CTDNEP1: variants seen among roughly 807,000 people sequenced by gnomAD.
CTDNEP1 encodes C-terminal domain nuclear envelope phosphatase 1.
A neutral mutation model predicts 30.1 loss-of-function variants in CTDNEP1; 3 were observed. That is an observed-to-expected ratio of 0.10 (90% CI 0.05 to 0.26). The LOEUF (loss-of-function observed/expected upper bound fraction) is 0.26, where lower values mean the gene tolerates loss of function less well. Ranked by LOEUF, CTDNEP1 falls within the 10% of genes least tolerant of loss-of-function variation. CTDNEP1 has a pLI of 1.00. For synonymous variants in CTDNEP1, 123 were observed against 118.8 expected (o/e 1.04, Z -0.23); for missense variants, 158 against 310.4 (o/e 0.51, Z 3.69).
Position 7,246,164 on chromosome 17 carries a change from GCCTCTCT to G in CTDNEP1, c.478-34_478-28del. 3 of 1,595,428 alleles carry G rather than the reference GCCTCTCT, an allele frequency of 1.9e-6. No homozygotes were observed. Among genetic ancestry groups the G allele is most frequent in the Non-Finnish European group, 2.6e-6 (3 of 1,163,134 alleles). On this transcript the variant is annotated intron_variant, in intron 5 of 7. Transcript: ENST00000574322. This position sits in a 1 kb window ranked among gnomAD's most constrained non-coding sequence, Gnocchi z 4.9. ...TGGAAGGCAGGGGATCATGTAGCAG[GCCTCTCT>G]CCAGGATACTCTCCTCAAACCCAGA...
chr17:7,247,093 G>T lies in CTDNEP1; in HGVS notation c.259C>A (p.Pro87Thr). The change falls in exon 3 of 8, where the codon CCT (proline) becomes ACT (threonine). Residue 87 changes from proline (P) to threonine (T), a missense_variant. Transcript: ENST00000574322. ...HDGVLRPTVR[P>T]GTPPDFILKV... ...AGGATGAAGTCAGGAGGCGTACCAG[G>T]CCGGACTGTGGGCCTCAGGACCCCA... 6.2e-7 allele frequency: 1 copy of T among 1,612,836 alleles called. No individual in the cohort carries two copies. The highest frequency in any genetic ancestry group is 8.5e-7 in the Non-Finnish European group (1 of 1,179,792).
intron 1 of CTDNEP1, among the ~76,000 whole-genome samples, chr17:7,250,715 C>T (rs1028734240): frequency 3.3e-5 from 5 of 152,144 alleles, no homozygotes; most frequent in Non-Finnish European, 7.4e-5. Flanking sequence ...CAGGGCTTTC[C>T]CAAGTTCCCG....
chr17:7,251,155 C>A (rs2071915190), intron 1 of CTDNEP1, 40 bp downstream of exon 1: 2 of 1,456,040 alleles, frequency 1.4e-6, no homozygotes, highest in Admixed American at 1.9e-5. Context: ...CCCAACACCG[C>A]CAGACGTCCC....
intron 7 of CTDNEP1, 95 bp downstream of exon 7, chr17:7,244,456 A>C (rs1388245962): frequency 3.8e-6 from 5 of 1,310,612 alleles, no homozygotes; most frequent in Non-Finnish European, 5.5e-6. Flanking sequence ...AAGGGAACAG[A>C]GTTAAAACAG....
chr17:7,248,648 C>A (rs2071875766), intron 1 of CTDNEP1, among the ~76,000 whole-genome samples: 1 of 152,110 alleles, frequency 6.6e-6, no homozygotes, highest in Non-Finnish European at 1.5e-5. Context: ...AGAGCCACCA[C>A]CCCCGGCCGA....
intron 1 of CTDNEP1, among the ~76,000 whole-genome samples, chr17:7,250,845 C>T (rs948267625): frequency 6.6e-6 from 1 of 152,134 alleles, no homozygotes. Context: ...CCCAAGCCCA[C>T]ATCCACAGAT....
rs1010784416 is a variant in CTDNEP1, at chr17:7,247,676, C to T, written c.103-333G>A. 2.6e-5 allele frequency among the ~76,000 whole-genome samples: 4 copies of T among 151,736 alleles called. No individual in the cohort carries two copies. The East Asian group carries it at 7.8e-4, about 30-fold the overall frequency. ...TAGAGGCGGGGTTTAACTATATTGG[C>T]CTGGCTGGTCTCAAACTCCTGACCT... On this transcript the variant is annotated intron_variant, in intron 1 of 7. Transcript: ENST00000574322.
chr17:7,249,859 G>A (rs990794913), intron 1 of CTDNEP1, among the ~76,000 whole-genome samples: 3 of 152,044 alleles, frequency 2.0e-5, no homozygotes, highest in South Asian at 2.1e-4. Flanking sequence ...TGCAGTGAGC[G>A]GAGATGGCAC....
Position 7,243,946 on chromosome 17 carries a change from C to T in CTDNEP1, c.*239G>A. 1 of 1,363,004 alleles carries T rather than the reference C, an allele frequency of 7.3e-7. No individual in the cohort carries two copies. Among genetic ancestry groups the T allele is most frequent in the South Asian group, 1.6e-5 (1 of 61,000 alleles). The allele number at this position is 1,363,004 out of a possible 1,614,324, so 84.4% of individuals were successfully genotyped here. A position where few individuals can be genotyped will look rare whatever the true frequency, so the allele number is the denominator to read the frequency against. The stretch of plus-strand genomic sequence containing the variant: ...GGCTCTCCTAGGCTTCCGCCTGTGT[C>T]CCAGTCTGGGGTTTCCATGGAGTGT... On this transcript the variant is annotated 3_prime_UTR_variant, in exon 8 of 8. Transcript: ENST00000574322.
intron 6 of CTDNEP1, 127 bp downstream of exon 6, chr17:7,245,899 G>A (rs1423371883): frequency 4.8e-6 from 3 of 628,126 alleles, no homozygotes; most frequent in Admixed American, 2.7e-5. Flanking sequence ...CTTGCATTTC[G>A]ACTTACAGCA....
At position 7,246,970 on chromosome 17, in the gene CTDNEP1, G is replaced by A. The variant is rs920051722; in HGVS notation, c.288+94C>T. The A allele has an allele frequency of 1.4e-5, 20 of 1,397,086 alleles. No individual in the cohort carries two copies. The highest frequency in any genetic ancestry group is 9.9e-5 in the African/African-American group (7 of 70,384). 86.5% of individuals were successfully genotyped at this position (1,397,086 alleles called of 1,614,324 possible). ...CCTCCAGGCTGACACTGGTGCCAGC[G>A]GATGGAGACAGATGCTCTGGGACTG... On this transcript the variant is annotated intron_variant, in intron 3 of 7. Coordinates refer to ENST00000574322, the MANE Select transcript of CTDNEP1 (RefSeq NM_001143775.2). The surrounding 1 kb of genome is among the most constrained non-coding windows in gnomAD (Gnocchi z 4.9).
chr17:7,245,227 G>A (rs1567586679), intron 6 of CTDNEP1, among the ~76,000 whole-genome samples: 2 of 152,034 alleles, frequency 1.3e-5, no homozygotes, highest in Admixed American at 1.3e-4. Flanking sequence ...GGAAGTCGGA[G>A]GTTGCAGTAA....
In CTDNEP1 at chr17:7,251,347, CCAGCCCCCCGGGGG is replaced by C. The variant is rs1483227039; in HGVS notation, c.-65_-52del. On this transcript the variant is annotated 5_prime_UTR_variant, in exon 1 of 8. Coordinates refer to ENST00000574322, the MANE Select transcript of CTDNEP1 (RefSeq NM_001143775.2). ...CCGGGGCCCCCGCGGCCCAGCTCCG[CCAGCCCCCCGGGGG>C]CAGCCCCCCGCCGCCGGGAGGGGGA... 7.7e-6 allele frequency: 10 copies of C among 1,297,996 alleles called. No homozygotes were observed. Among genetic ancestry groups the C allele is most frequent in the South Asian group, 1.8e-5 (1 of 54,636 alleles). 80.4% of individuals were successfully genotyped at this position (1,297,996 alleles called of 1,614,324 possible).
Position 7,246,679 on chromosome 17 carries a change from G to C in CTDNEP1, c.360+112C>G, listed in dbSNP as rs1343365129. The C allele has an allele frequency of 2.2e-6, 2 of 901,814 alleles. No individual in the cohort carries two copies. Among genetic ancestry groups the C allele is most frequent in the African/African-American group, 3.3e-5 (2 of 60,022 alleles). The allele number at this position is 901,814 out of a possible 1,614,324, so 55.9% of individuals were successfully genotyped here. A position where few individuals can be genotyped will look rare whatever the true frequency, so the allele number is the denominator to read the frequency against. Reference sequence around the variant, plus strand: ...CTACCATTACACAGCCTCCCCTCTAGAAAACTGCTCTAACCCGTTTCTCCT... The same window carrying C: ...CTACCATTACACAGCCTCCCCTCTACAAAACTGCTCTAACCCGTTTCTCCT... On this transcript the variant is annotated intron_variant, in intron 4 of 7. Transcript: ENST00000574322. The surrounding 1 kb of genome is among the most constrained non-coding windows in gnomAD (Gnocchi z 4.9).
chr17:7,251,906 G>A (rs1351315796), upstream of CTDNEP1: 1 of 155,670 alleles, frequency 6.4e-6, no homozygotes, highest in Non-Finnish European at 1.4e-5. Context: ...TTTAGCCGCT[G>A]GGGACCGGGG....
Position 7,251,205 on chromosome 17 carries a change from T to G in CTDNEP1, c.92A>C (p.Gln31Pro). The change falls in exon 1 of 8, where the codon CAG (glutamine) becomes CCG (proline). Residue 31 changes from glutamine to proline, a missense_variant. Physicochemically the swap from Gln to Pro is moderately conservative, Grantham distance 76 (BLOSUM62 -1). This residue lies in a region of CTDNEP1 where 62 missense variants were observed against 81.4 expected (regional missense o/e 0.76). Transcript: ENST00000574322. The stretch of plus-strand genomic sequence containing the variant: ...CCCACCCTGGCTCACCGTGCGGATC[T>G]GCCTCCGCAGAAGGTAAATGAAGAA... Reference protein sequence around the residue: ...WSFFIYLLRRQIRTVIQYQTV... With the variant: ...WSFFIYLLRRPIRTVIQYQTV... The G allele has an allele frequency of 6.2e-7, 1 of 1,600,244 alleles. No individual in the cohort carries two copies. Among genetic ancestry groups the G allele is most frequent in the Non-Finnish European group, 8.5e-7 (1 of 1,174,382 alleles).
rs772090932 is a variant in CTDNEP1, at chr17:7,244,191, G to A, written c.729C>T (p.Leu243=). The change falls in exon 8 of 8, where the codon CTC becomes CTT. Residue 243 remains leucine (L), a synonymous_variant. Transcript: ENST00000574322. ...GGTGGAGGGGGAGCAGCTGTCACCA[G>A]AGCCGATGTTGGTGAAGGTTTCGGC... ...VLSRNLHQHR[L]W is the part of the protein sequence containing the mutation. 6.2e-7 allele frequency: 1 copy of A among 1,614,036 alleles called. No individual in the cohort carries two copies. Among genetic ancestry groups the A allele is most frequent in the Non-Finnish European group, 8.5e-7 (1 of 1,179,998 alleles).
In CTDNEP1 at chr17:7,247,148, C is replaced by T. The variant is rs2071849113; in HGVS notation, c.204G>A (p.Leu68=). Residue 68 remains leucine (L), a synonymous_variant, in exon 3 of 8, where the codon CTG becomes CTA. Coordinates refer to ENST00000574322, the MANE Select transcript of CTDNEP1 (RefSeq NM_001143775.2). ...QVKRKILVLD[L]DETLIHSHHD... is the part of the protein sequence containing the mutation. ...GGTGGGAGTGAATAAGTGTCTCATC[C>T]AGATCCAGCACCAGGATCTTCCTCT... 1 of 1,613,930 alleles carries T rather than the reference C, an allele frequency of 6.2e-7. No individual in the cohort carries two copies. Among genetic ancestry groups the T allele is most frequent in the African/African-American group, 1.3e-5 (1 of 74,902 alleles).
chr17:7,250,164 C>T (rs910996808), intron 1 of CTDNEP1, among the ~76,000 whole-genome samples: 1 of 152,122 alleles, frequency 6.6e-6, no homozygotes, highest in African/African-American at 2.4e-5. Flanking sequence ...TCTGGAAATT[C>T]TCTGGACCCC....
Sources: gnomAD v4.1 joint callset for allele counts (sites outside exome capture counted in the v4.1 genomes callset) on GRCh38, gnomAD v4.1.1 for gene constraint, gnomAD v4.1.1 regional missense constraint, Gnocchi (gnomAD v3.1) non-coding constraint, MANE v1.5 for transcripts, NCBI Gene and HGNC (gene_info 2026-07-23, HGNC 2026-07-21) for gene names.